The following CPZ variants were observed in gnomAD, a reference collection of about 807,000 sequenced individuals.
CPZ encodes the protein carboxypeptidase Z.
A neutral mutation model predicts 61.8 loss-of-function variants in CPZ; 103 were observed. The observed-to-expected ratio is 1.67, with a 90% CI of 1.42 to 1.96. CPZ has a LOEUF of 1.96. Ranked by LOEUF, CPZ falls within the 30% of genes most tolerant of loss-of-function variation. The pLI is 0.00. For missense variants in CPZ, 1,461 were observed against 914.9 expected, an observed-to-expected ratio of 1.60 and a Z score of -7.70; for synonymous variants, 551 against 373.7, an observed-to-expected ratio of 1.47 and a Z score of -5.47.
intron 1 of CPZ, 39 bp from the exon 2 acceptor site, chr4:8,599,414 C>T (rs557791844): frequency 1.1e-5 from 17 of 1,566,714 alleles, no homozygotes; most frequent in East Asian, 6.9e-5. Context: ...TGAAGGATGG[C>T]GAGGCAGGTC....
chr4:8,594,974 G>T (rs546673114), intron 1 of CPZ, among the ~76,000 whole-genome samples: 17 of 152,176 alleles, frequency 1.1e-4, no homozygotes, highest in Non-Finnish European at 2.1e-4. Context: ...GGGTTTCACC[G>T]TGTTGGCCAG....
At chr4:8,600,751 C>A (rs374018180) in intron 2 of CPZ, among the ~76,000 whole-genome samples, 15 of 152,352 alleles carry the variant, frequency 9.8e-5, no homozygotes, top group Admixed American at 2.6e-4. Context: ...TCTTTTGGGA[C>A]GTCTTTGTGC....
chr4:8,618,729 T>C (rs1271853142), intron 10 of CPZ, among the ~76,000 whole-genome samples: 2 of 152,266 alleles, frequency 1.3e-5, no homozygotes, highest in South Asian at 2.1e-4. Flanking sequence ...GGGAAGAGCT[T>C]GCCCAGCCGT....
intron 6 of CPZ, 148 bp downstream of exon 6, chr4:8,607,046 ACCT>A (rs1715096644): frequency 9.1e-7 from 1 of 1,096,126 alleles, no homozygotes; most frequent in Non-Finnish European, 1.3e-6. Flanking sequence ...AAATGGGAAC[ACCT>A]CCTTGCTGGG....
intron 9 of CPZ, among the ~76,000 whole-genome samples, chr4:8,616,180 G>C (rs1006828298): frequency 6.6e-6 from 1 of 152,240 alleles, no homozygotes; most frequent in African/African-American, 2.4e-5. Flanking sequence ...GGAGACCTGG[G>C]CGCGGGCTCC....
Position 8,619,384 on chromosome 4 carries a change from C to A in CPZ, c.1726C>A (p.Arg576Ser), listed in dbSNP as rs147183461. 6.2e-6 allele frequency: 10 copies of A among 1,614,086 alleles called. No homozygotes were observed. The highest frequency in any genetic ancestry group is 5.3e-5 in the African/African-American group (4 of 74,954). Residue 576 changes from arginine (R) to serine (S), a missense_variant, in exon 11 of 11, where the codon CGT becomes AGT. Physicochemically the swap from Arg to Ser is moderately radical, Grantham distance 110. Transcript: ENST00000360986. Reference protein sequence around the residue: ...IIPARMKRAGRVDFILQPLGM... With the variant: ...IIPARMKRAGSVDFILQPLGM... Reference sequence around the variant, plus strand: ...CCCCGCCCGGATGAAGAGGGCTGGCCGTGTGGACTTCATTCTGCAACCTCT... The same window carrying A: ...CCCCGCCCGGATGAAGAGGGCTGGCAGTGTGGACTTCATTCTGCAACCTCT...
intron 9 of CPZ, among the ~76,000 whole-genome samples, chr4:8,615,262 C>T (rs1716066398): frequency 6.6e-6 from 1 of 152,028 alleles, no homozygotes; most frequent in Non-Finnish European, 1.5e-5. Context: ...CCCCAGAGAG[C>T]CAAGGTCTCC....
At position 8,614,374 on chromosome 4, in the gene CPZ, A is replaced by C; in HGVS notation, c.1379A>C (p.Asn460Thr). 1 of 1,613,552 alleles carries C rather than the reference A, an allele frequency of 6.2e-7. No homozygotes were observed. The highest frequency in any genetic ancestry group is 8.5e-7 in the Non-Finnish European group (1 of 1,179,754). Residue 460 changes from asparagine (N) to threonine (T), a missense_variant, in exon 9 of 11, where the codon AAC becomes ACC. Transcript: ENST00000360986. Reference sequence around the variant, plus strand: ...TGTGCCACAGGCATGTCCGATTTCAACTACCTGCACACCAACTGCTTTGAG... The same window carrying C: ...TGTGCCACAGGCATGTCCGATTTCACCTACCTGCACACCAACTGCTTTGAG... ...YSFTGGMSDF[N>T]YLHTNCFEIT...
At chr4:8,604,562 A>C (rs1442554181) in intron 4 of CPZ, among the ~76,000 whole-genome samples, 2 of 152,252 alleles carry the variant, frequency 1.3e-5, no homozygotes, top group African/African-American at 4.8e-5. Context: ...GCTCACTGCA[A>C]CCTCTGCCTC....
intron 9 of CPZ, among the ~76,000 whole-genome samples, chr4:8,617,681 C>G (rs1036260599): frequency 2.0e-5 from 3 of 152,306 alleles, no homozygotes; most frequent in Admixed American, 2.0e-4. Flanking sequence ...GGGCAGGGGG[C>G]AGCCTCGCTG....
In CPZ at chr4:8,619,376, G is replaced by C. The variant is rs769992873; in HGVS notation, c.1718G>C (p.Arg573Thr). 6.2e-7 allele frequency: 1 copy of C among 1,614,220 alleles called. No homozygotes were observed. The highest frequency in any genetic ancestry group is 2.2e-5 in the East Asian group (1 of 44,878). Reference sequence around the variant, plus strand: ...GTCATCATCCCCGCCCGGATGAAGAGGGCTGGCCGTGTGGACTTCATTCTG... The same window carrying C: ...GTCATCATCCCCGCCCGGATGAAGACGGCTGGCCGTGTGGACTTCATTCTG... ...KKVIIPARMK[R>T]AGRVDFILQP... The change falls in exon 11 of 11, where the codon AGG (arginine) becomes ACG (threonine). Residue 573 changes from arginine to threonine, a missense_variant. Coordinates refer to ENST00000360986, the MANE Select transcript of CPZ (RefSeq NM_001014447.3).
chr4:8,614,274 G>C (rs112491096), intron 8 of CPZ, 85 bp from the exon 9 acceptor site: 9 of 1,476,164 alleles, frequency 6.1e-6, no homozygotes, highest in Non-Finnish European at 8.2e-6. Context: ...CGTCCCGGCT[G>C]TCTCTGTGCG....
chr4:8,613,060 C>A (rs149600571), intron 8 of CPZ, among the ~76,000 whole-genome samples: 1,993 of 152,316 alleles, frequency 0.013, 38 homozygotes, highest in African/African-American at 0.043. Flanking sequence ...GCCCTCAGCC[C>A]CCGTCATAGC....
chr4:8,594,254 C>A (rs754874761), intron 1 of CPZ, among the ~76,000 whole-genome samples: 27 of 152,306 alleles, frequency 1.8e-4, no homozygotes, highest in Non-Finnish European at 3.7e-4. Flanking sequence ...CGTTTCCAGC[C>A]CACAGGCAGA....
chr4:8,612,603 A>G (rs1441359626), intron 8 of CPZ, among the ~76,000 whole-genome samples: 3 of 152,312 alleles, frequency 2.0e-5, no homozygotes, highest in African/African-American at 7.2e-5. Context: ...TGATACTACA[A>G]TTGTATCTGT....
In CPZ at chr4:8,618,991, G is replaced by A. The variant is rs189010638; in HGVS notation, c.1604-271G>A. Among the ~76,000 whole-genome samples, 16 of 152,234 alleles carry A rather than the reference G, an allele frequency of 1.1e-4. 1 individual carries two copies. The highest frequency in any genetic ancestry group is 3.1e-4 in the African/African-American group (13 of 41,554). On this transcript the variant is annotated intron_variant, in intron 10 of 10. Coordinates refer to ENST00000360986, the MANE Select transcript of CPZ (RefSeq NM_001014447.3). Reference sequence around the variant, plus strand: ...CAGAGATGTGGTCCAGAGAAGAGGGGGACTTTTGCTAACTGTGGGGTGGGT... The same window carrying A: ...CAGAGATGTGGTCCAGAGAAGAGGGAGACTTTTGCTAACTGTGGGGTGGGT...
chr4:8,614,613 T>A, intron 9 of CPZ, 115 bp downstream of exon 9: 6 of 1,089,720 alleles, frequency 5.5e-6, no homozygotes, highest in Non-Finnish European at 7.8e-6. Context: ...ACATGCTCCT[T>A]TTGCCACCAC....
chr4:8,592,989 C>T, intron 1 of CPZ, 68 bp downstream of exon 1: 4 of 1,275,760 alleles, frequency 3.1e-6, no homozygotes, highest in Non-Finnish European at 4.3e-6. Flanking sequence ...TGATCCGTCG[C>T]TTCCCAGGGG....
At chr4:8,605,225 G>A (rs946020338) in intron 4 of CPZ, among the ~76,000 whole-genome samples, 3 of 152,110 alleles carry the variant, frequency 2.0e-5, no homozygotes, top group Admixed American at 1.3e-4. Context: ...GGGAGCAAGT[G>A]CGAGGCTTAG....
Sources: gnomAD v4.1 joint callset for allele counts (sites outside exome capture counted in the v4.1 genomes callset) on GRCh38, gnomAD v4.1.1 for gene constraint, MANE v1.5 for transcripts, NCBI Gene and HGNC (gene_info 2026-07-23, HGNC 2026-07-21) for gene names.